Variants in EHMT1 observed in about 807,000 individuals in gnomAD.
The protein encoded by EHMT1 is histone-lysine N-methyltransferase EHMT1.
Under a neutral mutation model 147.2 loss-of-function variants are expected in EHMT1, and 15 were observed. The observed-to-expected ratio is 0.10, with a 90% CI of 0.07 to 0.16. The LOEUF is 0.16. Among genes scored for constraint, EHMT1 ranks in the 10% least tolerant of loss-of-function variants. The pLI is 1.00. For missense variants in EHMT1, 1,587 were observed against 1,772.4 expected, an observed-to-expected ratio of 0.90 and a Z score of 1.88; for synonymous variants, 795 against 709.6, an observed-to-expected ratio of 1.12 and a Z score of -1.91.
At chr9:137,818,509 G>GCCGA (rs1319484613) in intron 25 of EHMT1, among the ~76,000 whole-genome samples, 1 of 151,972 alleles carries the variant, frequency 6.6e-6, no homozygotes, top group Non-Finnish European at 1.5e-5. Flanking sequence ...CTGTAGAGAG[G>GCCGA]CTGAGGGGGG....
At chr9:137,644,521 T>C (rs1844743283) in intron 1 of EHMT1, among the ~76,000 whole-genome samples, 1 of 152,090 alleles carries the variant, frequency 6.6e-6, no homozygotes, top group African/African-American at 2.4e-5. Context: ...AGAGACGGGG[T>C]TTCGCCATAT....
intron 1 of EHMT1, among the ~76,000 whole-genome samples, chr9:137,636,417 C>G (rs1487843640): frequency 2.0e-5 from 3 of 152,012 alleles, no homozygotes; most frequent in African/African-American, 7.3e-5. Context: ...CCTAATTGCC[C>G]TGGCTAGTAA....
intron 1 of EHMT1, among the ~76,000 whole-genome samples, chr9:137,625,995 A>C (rs989899839): frequency 2.0e-5 from 3 of 149,450 alleles, no homozygotes; most frequent in Non-Finnish European, 4.4e-5. Flanking sequence ...AGCTGGAATC[A>C]CAGGCATGCA....
At chr9:137,798,341 G>A in intron 16 of EHMT1, among the ~76,000 whole-genome samples, 1 of 152,122 alleles carries the variant, frequency 6.6e-6, no homozygotes. Context: ...ATCAGAGGCT[G>A]TGGTGAGCTG....
At chr9:137,631,656 A>C (rs1843638513) in intron 1 of EHMT1, among the ~76,000 whole-genome samples, 1 of 152,114 alleles carries the variant, frequency 6.6e-6, no homozygotes, top group Non-Finnish European at 1.5e-5. Flanking sequence ...CAGGAGGATC[A>C]CTTGAGCCCA....
intron 1 of EHMT1, among the ~76,000 whole-genome samples, chr9:137,629,446 T>C (rs1454508427): frequency 6.6e-6 from 1 of 151,518 alleles, no homozygotes; most frequent in African/African-American, 2.4e-5. Flanking sequence ...CAGGCTGGAG[T>C]GCAGTGGCGT....
rs1215798696 is a variant in EHMT1 at position 137,739,107 on chromosome 9, C to T, written c.824-4264C>T. Among the ~76,000 whole-genome samples, 3 of 151,338 alleles carry T rather than the reference C, an allele frequency of 2.0e-5. No individual in the cohort carries two copies. In the South Asian group the frequency reaches 6.2e-4, roughly 31 times the overall value. On this transcript the variant is annotated intron_variant, in intron 4 of 26. Coordinates refer to ENST00000460843, the MANE Select transcript of EHMT1 (RefSeq NM_024757.5). ...AAAAAACAGGCCGGGCGCGGTGGCT[C>T]ATGCCTGTAATCCCAGCACTTTGGG...
chr9:137,777,981 G>A lies in EHMT1; in HGVS notation c.2118G>A (p.Arg706=). Residue 706 remains arginine (R), a synonymous_variant, in exon 13 of 27, where the codon AGG becomes AGA. Transcript: ENST00000460843. ...FDPTGPAGLG[R]PTPGLSQGPG... ...CAACGGGACCTGCTGGGCTTGGGAGGCCAACTCCCGGCCTTTCCCAGGGAC... is the reference window on the plus strand; with the variant it reads ...CAACGGGACCTGCTGGGCTTGGGAGACCAACTCCCGGCCTTTCCCAGGGAC... 1.2e-6 allele frequency: 2 copies of A among 1,613,850 alleles called. No individual in the cohort carries two copies. The highest frequency in any genetic ancestry group is 1.3e-5 in the African/African-American group (1 of 75,054).
intron 10 of EHMT1, among the ~76,000 whole-genome samples, chr9:137,771,391 G>A (rs1421081270): frequency 6.6e-6 from 1 of 151,938 alleles, no homozygotes; most frequent in East Asian, 1.9e-4. Flanking sequence ...AATAGAGACG[G>A]AGTTTCCCTA....
Position 137,834,874 on chromosome 9 carries a change from G to C in EHMT1, c.3818G>C (p.Arg1273Pro). 6.2e-7 allele frequency: 1 copy of C among 1,610,402 alleles called. No homozygotes were observed. Among genetic ancestry groups the C allele is most frequent in the Non-Finnish European group, 8.5e-7 (1 of 1,179,002 alleles). Reference sequence around the variant, plus strand: ...CACTCGAGCGCGGCCCTGGCCCAGCGTCAGGCCAGCGCGGCCCAGGAGGCC... The same window carrying C: ...CACTCGAGCGCGGCCCTGGCCCAGCCTCAGGCCAGCGCGGCCCAGGAGGCC... The part of the protein sequence containing the change: ...CRHSSAALAQ[R>P]QASAAQEAQE... Residue 1273 changes from arginine to proline, a missense_variant, in exon 27 of 27, where the codon CGT becomes CCT. This residue lies in a region of EHMT1 where 141 missense variants were observed against 150.8 expected (regional missense o/e 0.94). Transcript: ENST00000460843.
At chr9:137,781,876 G>A (rs576011667) in intron 14 of EHMT1, among the ~76,000 whole-genome samples, 2 of 152,326 alleles carry the variant, frequency 1.3e-5, no homozygotes, top group African/African-American at 4.8e-5. Flanking sequence ...GTTGCTCACC[G>A]TCCTCTCAGA....
At chr9:137,818,196 G>C in intron 25 of EHMT1, 58 bp downstream of exon 25, 1 of 1,576,854 alleles carries the variant, frequency 6.3e-7, no homozygotes, top group Non-Finnish European at 8.7e-7. Context: ...AAACCTGAAT[G>C]TGTTTGTCCC....
chr9:137,789,446 C>T (rs536732950), intron 15 of EHMT1, among the ~76,000 whole-genome samples: 81 of 152,372 alleles, frequency 5.3e-4, no homozygotes, highest in Middle Eastern at 3.4e-3. Flanking sequence ...CAGCACGGGC[C>T]TCGCTCTCTA....
chr9:137,627,503 G>T (rs1485734570), intron 1 of EHMT1, among the ~76,000 whole-genome samples: 1 of 151,948 alleles, frequency 6.6e-6, no homozygotes, highest in Non-Finnish European at 1.5e-5. Flanking sequence ...GATCTCAGGT[G>T]ATTTGCCCAC....
rs570954249 is a variant in EHMT1, at chr9:137,692,943, G to A, written c.22-18024G>A. On this transcript the variant is annotated intron_variant, in intron 1 of 26. Coordinates refer to ENST00000460843, the MANE Select transcript of EHMT1 (RefSeq NM_024757.5). ...GGGACAATCAGAAGCCTGAGAGTCCGGGGTGGATGTGGCCACAAGGGTTGT... is the reference window on the plus strand; with the variant it reads ...GGGACAATCAGAAGCCTGAGAGTCCAGGGTGGATGTGGCCACAAGGGTTGT... 6.6e-5 allele frequency among the ~76,000 whole-genome samples: 10 copies of A among 152,278 alleles called. No homozygotes were observed. The East Asian group carries it at 1.5e-3, about 24-fold the overall frequency.
intron 1 of EHMT1, chr9:137,638,126 T>C (rs1844211366): frequency 6.6e-6 from 1 of 152,090 alleles, no homozygotes; most frequent in Admixed American, 6.6e-5. Context: ...TTTTTTTTTT[T>C]TTAAGATGGA....
intron 1 of EHMT1, among the ~76,000 whole-genome samples, chr9:137,697,493 T>C (rs1223527795): frequency 6.6e-6 from 1 of 152,216 alleles, no homozygotes. Context: ...GCATACTGTT[T>C]GAAGATTTTT....
Position 137,731,978 on chromosome 9 carries a change from G to T in EHMT1, c.823+3449G>T, listed in dbSNP as rs1030125161. On this transcript the variant is annotated intron_variant, in intron 4 of 26. Coordinates refer to ENST00000460843, the MANE Select transcript of EHMT1 (RefSeq NM_024757.5). This position sits in a 1 kb window ranked among gnomAD's most constrained non-coding sequence, Gnocchi z 4.3. ...GGAACACGGTGGTGCCCCAAAACTC[G>T]GAGTCACCAGCAACTGCAGAGCCCC... 6.6e-6 allele frequency among the ~76,000 whole-genome samples: 1 copy of T among 152,164 alleles called. No individual in the cohort carries two copies. The highest frequency in any genetic ancestry group is 1.5e-5 in the Non-Finnish European group (1 of 68,020).
intron 10 of EHMT1, among the ~76,000 whole-genome samples, chr9:137,769,496 TC>T (rs1236785809): frequency 2.4e-4 from 36 of 152,342 alleles, no homozygotes; most frequent in Non-Finnish European, 5.1e-4. Flanking sequence ...GATACTTACT[TC>T]CAGGGACATA....
Sources: allele counts gnomAD v4.1 joint callset (sites outside exome capture counted in the v4.1 genomes callset), GRCh38; gene constraint gnomAD v4.1.1; regional missense constraint gnomAD v4.1.1; non-coding constraint Gnocchi (gnomAD v3.1); transcripts MANE v1.5; gene names NCBI Gene and HGNC (gene_info 2026-07-23, HGNC 2026-07-21).